CFAP54: variants seen among roughly 807,000 people sequenced by gnomAD.
The protein encoded by CFAP54 is cilia- and flagella-associated protein 54.
CFAP54 carries 290 observed loss-of-function variants against 370.4 expected under a neutral mutation model. The observed-to-expected ratio is 0.78, with a 90% CI of 0.71 to 0.86. The LOEUF is 0.86. Among genes scored for constraint, CFAP54 ranks in the 40% least tolerant of loss-of-function variants. The pLI, the probability that CFAP54 is intolerant of heterozygous loss-of-function variation, is 0.00. For missense variants in CFAP54, 3,399 were observed against 3,528.7 expected, an observed-to-expected ratio of 0.96 and a Z score of 0.93; for synonymous variants, 1,206 against 1,236.5, an observed-to-expected ratio of 0.98 and a Z score of 0.52.
Position 96,512,987 on chromosome 12 carries a change from T to C in CFAP54, c.741T>C (p.Gly247=). Reference sequence around the variant, plus strand: ...TTAACAATCGTTTTCTCCATCCAGGTACCATTTATATTTACACCATTTGCA... The same window carrying C: ...TTAACAATCGTTTTCTCCATCCAGGCACCATTTATATTTACACCATTTGCA... ...QEHLCWIIFN[G]TIYIYTICRK... is the part of the protein sequence containing the mutation. The change falls in exon 5 of 68, where the codon GGT becomes GGC. Residue 247 remains glycine, a splice_region_variant and synonymous_variant. Coordinates refer to ENST00000524981, the MANE Select transcript of CFAP54 (RefSeq NM_001306084.2). 1 of 1,514,776 alleles carries C rather than the reference T, an allele frequency of 6.6e-7. No homozygotes were observed. Among genetic ancestry groups the C allele is most frequent in the Non-Finnish European group, 8.8e-7 (1 of 1,133,882 alleles). 93.8% of individuals were successfully genotyped at this position (1,514,776 alleles called of 1,614,324 possible).
intron 22 of CFAP54, among the ~76,000 whole-genome samples, chr12:96,587,698 A>G (rs979324412): frequency 6.6e-6 from 1 of 152,228 alleles, no homozygotes. Flanking sequence ...TTACAAGAAA[A>G]GAACAGTTAA....
intron 33 of CFAP54, chr12:96,645,190 T>C (rs1380889300): frequency 2.2e-6 from 1 of 456,492 alleles, no homozygotes; most frequent in African/African-American, 2.0e-5. Flanking sequence ...TGTCTTTGGC[T>C]AAGTGCTGTG....
chr12:96,691,364 T>G (rs1833330379), intron 44 of CFAP54, 54 bp downstream of exon 44: 1 of 1,307,534 alleles, frequency 7.6e-7, no homozygotes, highest in Non-Finnish European at 1.0e-6. Flanking sequence ...TTGCTCCACT[T>G]ACCTCATACT....
At chr12:96,498,801 T>C (rs1173140791) in intron 1 of CFAP54, among the ~76,000 whole-genome samples, 2 of 152,042 alleles carry the variant, frequency 1.3e-5, no homozygotes, top group Non-Finnish European at 2.9e-5. Context: ...AAATGAAAAA[T>C]TTCTGCTCTA....
At chr12:96,512,506 C>A (rs1412961517) in intron 4 of CFAP54, among the ~76,000 whole-genome samples, 4 of 151,570 alleles carry the variant, frequency 2.6e-5, no homozygotes, top group African/African-American at 9.7e-5. Flanking sequence ...CCACGCCCGG[C>A]TAATTTTTGT....
intron 26 of CFAP54, among the ~76,000 whole-genome samples, chr12:96,618,945 A>G (rs1230390972): frequency 3.3e-5 from 5 of 151,938 alleles, no homozygotes; most frequent in African/African-American, 9.7e-5. Context: ...GCTCACTGCA[A>G]TCTCCACCTC....
intron 42 of CFAP54, 109 bp downstream of exon 42, chr12:96,685,347 G>A (rs1328738229): frequency 1.1e-6 from 1 of 903,906 alleles, no homozygotes; most frequent in African/African-American, 1.6e-5. Flanking sequence ...TTTCTGGGAG[G>A]TTATGTCCAT....
intron 66 of CFAP54, among the ~76,000 whole-genome samples, chr12:96,842,513 A>T (rs1959229560): frequency 6.6e-6 from 1 of 152,190 alleles, no homozygotes; most frequent in South Asian, 2.1e-4. Flanking sequence ...CATAAAAGGA[A>T]TTTTATAGTA....
chr12:96,576,652 TG>T lies in CFAP54; in HGVS notation c.2689del (p.Glu897LysfsTer24). The stretch of plus-strand genomic sequence containing the variant: ...GCCCTATATTCCTATCAGAAATATT[TG>T]GAAAGTTCAAAAAGAAAGAAAAGCA... ...QNALYSYQKY[L>X]ESSKRKKSRV... On this transcript the variant is annotated frameshift_variant, in exon 20 of 68. Coordinates refer to ENST00000524981, the MANE Select transcript of CFAP54 (RefSeq NM_001306084.2). LOFTEE classifies it high-confidence loss of function. 6.5e-7 allele frequency: 1 copy of T among 1,535,330 alleles called. No homozygotes were observed. Among genetic ancestry groups the T allele is most frequent in the Non-Finnish European group, 8.7e-7 (1 of 1,146,316 alleles).
At chr12:96,653,464 A>G (rs1430066352) in intron 36 of CFAP54, among the ~76,000 whole-genome samples, 1 of 152,248 alleles carries the variant, frequency 6.6e-6, no homozygotes. Context: ...ACGGTTTGCC[A>G]TAATATAGGA....
At chr12:96,742,648 T>C in intron 52 of CFAP54, 62 bp downstream of exon 52, 10 of 1,363,580 alleles carry the variant, frequency 7.3e-6, no homozygotes, top group Non-Finnish European at 1.0e-5. Flanking sequence ...TGAAGAGGGG[T>C]TTATTGGGAT....
In CFAP54 at chr12:96,564,472, G is replaced by T. The variant is rs1439418060; in HGVS notation, c.2415G>T (p.Leu805Phe). ...AVVLLDKLQV[L>F]QTPTVSKDIS... Reference sequence around the variant, plus strand: ...GACAGTCGTCTTCTTCTTCAGTTTTGCAGACTCCAACTGTTAGCAAAGATA... The same window carrying T: ...GACAGTCGTCTTCTTCTTCAGTTTTTCAGACTCCAACTGTTAGCAAAGATA... The change falls in exon 18 of 68, where the codon TTG becomes TTT. Residue 805 changes from leucine to phenylalanine, a missense_variant. Leu to Phe is a conservative substitution (Grantham distance 22). Transcript: ENST00000524981. 2.9e-5 allele frequency: 20 copies of T among 693,202 alleles called. No homozygotes were observed. Among genetic ancestry groups the T allele is most frequent in the Non-Finnish European group, 5.3e-5 (20 of 380,458 alleles). The allele number at this position is 693,202 out of a possible 1,614,324, so 42.9% of individuals were successfully genotyped here.
At chr12:96,806,205 TATATATATAA>T (rs1478057085) in intron 63 of CFAP54, among the ~76,000 whole-genome samples, 38 of 76,890 alleles carry the variant, frequency 4.9e-4, no homozygotes, top group African/African-American at 1.9e-3. Flanking sequence ...TATATATATA[TATATATATAA>T]TAACAACATA....
intron 34 of CFAP54, among the ~76,000 whole-genome samples, chr12:96,648,332 A>G (rs1480301157): frequency 6.6e-6 from 1 of 152,200 alleles, no homozygotes; most frequent in Non-Finnish European, 1.5e-5. Flanking sequence ...AAGATAGGTG[A>G]AGACTTGCTA....
chr12:96,723,058 G>A (rs1459667611), intron 50 of CFAP54, among the ~76,000 whole-genome samples: 1 of 152,104 alleles, frequency 6.6e-6, no homozygotes, highest in Non-Finnish European at 1.5e-5. Flanking sequence ...CCAGCATAAA[G>A]AAAAGATAAA....
At chr12:96,773,698 CT>C (rs140233006) in intron 60 of CFAP54, among the ~76,000 whole-genome samples, 1 of 152,060 alleles carries the variant, frequency 6.6e-6, no homozygotes, top group Non-Finnish European at 1.5e-5. Flanking sequence ...ACATAAGCAG[CT>C]TTTTTATGGC....
chr12:96,653,347 G>A (rs1192390143), intron 36 of CFAP54, among the ~76,000 whole-genome samples: 1 of 152,192 alleles, frequency 6.6e-6, no homozygotes, highest in Non-Finnish European at 1.5e-5. Context: ...TGCACATGAT[G>A]TGTTCACTGA....
At chr12:96,852,756 T>C (rs1244433564) in intron 66 of CFAP54, among the ~76,000 whole-genome samples, 1 of 152,120 alleles carries the variant, frequency 6.6e-6, no homozygotes, top group African/African-American at 2.4e-5. Context: ...ACAAAGGACC[T>C]GTTTCTAGAT....
intron 22 of CFAP54, among the ~76,000 whole-genome samples, chr12:96,588,448 C>G (rs922517020): frequency 6.6e-6 from 1 of 152,158 alleles, no homozygotes; most frequent in Non-Finnish European, 1.5e-5. Flanking sequence ...TAACCTAATT[C>G]CAGTTTCATA....
Sources: allele counts gnomAD v4.1 joint callset (sites outside exome capture counted in the v4.1 genomes callset), GRCh38; gene constraint gnomAD v4.1.1; transcripts MANE v1.5; gene names NCBI Gene and HGNC (gene_info 2026-07-23, HGNC 2026-07-21).